The following LBP variants were observed in gnomAD, a reference collection of about 807,000 sequenced individuals.
LBP encodes the protein lipopolysaccharide binding protein, also known as lipopolysaccharide-binding protein.
Under a neutral mutation model 56.6 loss-of-function variants are expected in LBP, and 53 were observed. The ratio of observed to expected loss-of-function variants is 0.94; its 90% CI spans 0.75 to 1.18. The LOEUF (loss-of-function observed/expected upper bound fraction) is 1.18, where lower values mean the gene tolerates loss of function less well. LBP is among the 50% of genes most tolerant of loss of function. The pLI, the probability that LBP is intolerant of heterozygous loss-of-function variation, is 0.00. For missense variants in LBP, 601 were observed against 598.3 expected (o/e 1.00, Z -0.05); for synonymous variants, 227 against 247.5 (o/e 0.92, Z 0.78).
At chr20:38,349,765 G>T (rs2076814278) in intron 2 of LBP, 103 bp downstream of exon 2, 2 of 820,904 alleles carry the variant, frequency 2.4e-6, no homozygotes, top group East Asian at 2.7e-5. Context: ...GCTGTGGGGG[G>T]ACCTCTCCGG....
chr20:38,350,872 C>T lies in LBP; in HGVS notation c.301C>T (p.Leu101=). Reference sequence around the variant, plus strand: ...GCTGAGGCCTGTCCCTGGCCAGGGCCTGAGTCTCAGCATCTCCGACTCCTC... The same window carrying T: ...GCTGAGGCCTGTCCCTGGCCAGGGCTTGAGTCTCAGCATCTCCGACTCCTC... ...SALRPVPGQG[L]SLSISDSSIR... is the part of the protein sequence containing the mutation. Residue 101 remains leucine (L), a synonymous_variant, in exon 3 of 15, where the codon CTG becomes TTG. Transcript: ENST00000217407. The T allele has an allele frequency of 6.2e-7, 1 of 1,614,066 alleles. No homozygotes were observed. Among genetic ancestry groups the T allele is most frequent in the Non-Finnish European group, 8.5e-7 (1 of 1,179,946 alleles).
At chr20:38,360,561 C>G (rs1600726016) in intron 5 of LBP, 143 bp from the exon 6 acceptor site, 3 of 623,434 alleles carry the variant, frequency 4.8e-6, no homozygotes, top group Non-Finnish European at 8.7e-6. Context: ...TCCTTGGTAC[C>G]TGGCTCATGA....
At chr20:38,357,990 C>T (rs924496158) in intron 5 of LBP, among the ~76,000 whole-genome samples, 12 of 152,178 alleles carry the variant, frequency 7.9e-5, no homozygotes, top group African/African-American at 2.9e-4. Flanking sequence ...TTGGTTTGGC[C>T]AGCTTCTTTA....
chr20:38,369,083 C>T lies in LBP; in HGVS notation c.1070C>T (p.Ser357Phe). The T allele has an allele frequency of 2.5e-6, 4 of 1,614,202 alleles. No homozygotes were observed. The highest frequency in any genetic ancestry group is 3.4e-6 in the Non-Finnish European group (4 of 1,180,034). ...PLLNFSPGNL[S>F]VDPYMEIDAF... ...CTGAACTTCAGCCCTGGGAATCTGT[C>T]TGTGGACCCCTATATGGAGATAGAT... Residue 357 changes from serine to phenylalanine, a missense_variant, in exon 10 of 15, where the codon TCT becomes TTT. Physicochemically the swap from Ser to Phe is radical, Grantham distance 155. Coordinates refer to ENST00000217407, the MANE Select transcript of LBP (RefSeq NM_004139.5).
rs536628858 is a variant in LBP, at chr20:38,359,394, A to T, written c.589-1310A>T. ...TCAGAAGTTCTAGACCAGCTTAGCC[A>T]ACATGGTGAGACCCCAGTCTCTACT... On this transcript the variant is annotated intron_variant, in intron 5 of 14. Coordinates refer to ENST00000217407, the MANE Select transcript of LBP (RefSeq NM_004139.5). 1.2e-4 allele frequency among the ~76,000 whole-genome samples: 18 copies of T among 152,186 alleles called. No individual in the cohort carries two copies. In the South Asian group the frequency reaches 3.7e-3, roughly 32 times the overall value.
chr20:38,357,100 T>C (rs116538384), intron 5 of LBP, among the ~76,000 whole-genome samples: 11,130 of 152,182 alleles, frequency 0.073, 1,301 homozygotes, highest in African/African-American at 0.25. Flanking sequence ...CATGATCTGC[T>C]CACCTCAGTG....
chr20:38,364,522 C>G, intron 7 of LBP, 54 bp from the exon 8 acceptor site: 1 of 1,566,016 alleles, frequency 6.4e-7, no homozygotes, highest in Non-Finnish European at 8.8e-7. Context: ...ATACCTAGCC[C>G]CTGCCCCACG....
chr20:38,351,472 T>C (rs2076820313), intron 3 of LBP, among the ~76,000 whole-genome samples: 1 of 152,112 alleles, frequency 6.6e-6, no homozygotes, highest in Non-Finnish European at 1.5e-5. Flanking sequence ...CCAGGGGCTC[T>C]GGCTCTCAGG....
intron 10 of LBP, 140 bp from the exon 11 acceptor site, chr20:38,370,598 T>C (rs1310365118): frequency 1.4e-5 from 10 of 708,940 alleles, no homozygotes; most frequent in Non-Finnish European, 2.6e-5. Flanking sequence ...CTTCTGGGAG[T>C]CTATGATCTA....
At chr20:38,372,112 A>G (rs1316953395) in intron 12 of LBP, among the ~76,000 whole-genome samples, 1 of 152,256 alleles carries the variant, frequency 6.6e-6, no homozygotes, top group Non-Finnish European at 1.5e-5. Flanking sequence ...GACGGCCCCA[A>G]ATAAAAGGAG....
At position 38,353,244 on chromosome 20, in the gene LBP, G is replaced by A. The variant is rs75833815; in HGVS notation, c.369-1040G>A. 8.9e-3 allele frequency among the ~76,000 whole-genome samples: 1,358 copies of A among 151,982 alleles called. 23 individuals carry two copies. Among genetic ancestry groups the A allele is most frequent in the African/African-American group, 0.029 (1,222 of 41,432 alleles). ...TGGCATGTAGTACATTCACAATTTT[G>A]TGCCATGTCCACCCCTATCTGACTC... On this transcript the variant is annotated intron_variant, in intron 3 of 14. Transcript: ENST00000217407.
At chr20:38,364,305 G>A (rs1021422839) in intron 7 of LBP, among the ~76,000 whole-genome samples, 6 of 152,110 alleles carry the variant, frequency 3.9e-5, no homozygotes, top group Admixed American at 2.6e-4. Context: ...ACTTTGCCTT[G>A]CCCATCATGC....
At chr20:38,348,968 A>AT (rs2076811061) in intron 1 of LBP, among the ~76,000 whole-genome samples, 1 of 151,646 alleles carries the variant, frequency 6.6e-6, no homozygotes, top group African/African-American at 2.4e-5. Context: ...TAATTTTTGT[A>AT]TTTTTTAGCA....
At chr20:38,360,564 G>T in intron 5 of LBP, 140 bp from the exon 6 acceptor site, 1 of 627,006 alleles carries the variant, frequency 1.6e-6, no homozygotes, top group Non-Finnish European at 2.9e-6. Context: ...TTGGTACCTG[G>T]CTCATGACAA....
At position 38,349,100 on chromosome 20, in the gene LBP, A is replaced by G. The variant is rs576508437; in HGVS notation, c.125-448A>G. On this transcript the variant is annotated intron_variant, in intron 1 of 14. Coordinates refer to ENST00000217407, the MANE Select transcript of LBP (RefSeq NM_004139.5). The stretch of plus-strand genomic sequence containing the variant: ...GTGAGCCACCACGCCCAGCAAATGT[A>G]TTGTTGTCATTGCTATTTGACAGAT... Among the ~76,000 whole-genome samples, 36 of 152,258 alleles carry G rather than the reference A, an allele frequency of 2.4e-4. No homozygotes were observed. The South Asian group carries it at 4.1e-3, about 18-fold the overall frequency.
intron 5 of LBP, among the ~76,000 whole-genome samples, chr20:38,357,919 T>G (rs998420603): frequency 6.6e-6 from 1 of 152,206 alleles, no homozygotes; most frequent in African/African-American, 2.4e-5. Context: ...TGTATTATAA[T>G]TAACATATAA....
chr20:38,364,589 A>G lies in LBP; in HGVS notation c.758A>G (p.His253Arg), dbSNP rs566264853. ...LEVMFKGEIF[H>R]RNHRSPVTLL... ...TTCCCTCTCCAGGGTGAAATCTTTCATCGTAACCACCGTTCTCCAGTTACC... is the reference window on the plus strand; with the variant it reads ...TTCCCTCTCCAGGGTGAAATCTTTCGTCGTAACCACCGTTCTCCAGTTACC... Residue 253 changes from histidine to arginine, a missense_variant, in exon 8 of 15, where the codon CAT becomes CGT. His to Arg is a conservative substitution (Grantham distance 29). Transcript: ENST00000217407. 3 of 1,614,056 alleles carry G rather than the reference A, an allele frequency of 1.9e-6. No homozygotes were observed. The highest frequency in any genetic ancestry group is 4.5e-5 in the East Asian group (2 of 44,876).
intron 14 of LBP, 58 bp from the exon 15 acceptor site, chr20:38,376,567 G>C: frequency 6.7e-7 from 1 of 1,484,276 alleles, no homozygotes; most frequent in South Asian, 1.1e-5. Flanking sequence ...AATCGCAGAT[G>C]CATCTTTTTG....
intron 1 of LBP, among the ~76,000 whole-genome samples, chr20:38,346,997 GA>G (rs1488382347): frequency 2.0e-5 from 3 of 152,170 alleles, no homozygotes; most frequent in Non-Finnish European, 4.4e-5. Flanking sequence ...CTGATGATGG[GA>G]ACCACTCAGC....
Sources: gnomAD v4.1 joint callset for allele counts (sites outside exome capture counted in the v4.1 genomes callset) on GRCh38, gnomAD v4.1.1 for gene constraint, MANE v1.5 for transcripts, NCBI Gene and HGNC (gene_info 2026-07-23, HGNC 2026-07-21) for gene names.